Variants in RIMS2 observed in about 807,000 individuals in gnomAD.
RIMS2 encodes the protein regulating synaptic membrane exocytosis 2, also known as regulating synaptic membrane exocytosis protein 2.
RIMS2 carries 59 observed loss-of-function variants against 174.4 expected under a neutral mutation model. The ratio of observed to expected loss-of-function variants is 0.34; its 90% CI spans 0.27 to 0.42. The LOEUF (loss-of-function observed/expected upper bound fraction) is 0.42. RIMS2 is among the 10% of genes least tolerant of loss of function. The pLI, the probability that RIMS2 is intolerant of heterozygous loss-of-function variation, is 1.00. For synonymous variants in RIMS2, 606 were observed against 572.5 expected (o/e 1.06, Z -0.84); for missense variants, 1,620 against 1,666.3 (o/e 0.97, Z 0.48).
intron 19 of RIMS2, among the ~76,000 whole-genome samples, chr8:104,059,489 T>G (rs1445523769): frequency 6.6e-6 from 1 of 150,552 alleles, no homozygotes; most frequent in African/African-American, 2.4e-5. Flanking sequence ...TGGGGTTTTC[T>G]AGATATACAA....
At chr8:104,126,513 A>G (rs1387208995) in intron 19 of RIMS2, among the ~76,000 whole-genome samples, 1 of 152,194 alleles carries the variant, frequency 6.6e-6, no homozygotes, top group East Asian at 1.9e-4. Flanking sequence ...AATGGTCTCT[A>G]GAACCAGGTT....
intron 19 of RIMS2, among the ~76,000 whole-genome samples, chr8:104,084,536 A>T (rs1013586950): frequency 6.6e-6 from 1 of 151,856 alleles, no homozygotes; most frequent in South Asian, 2.1e-4. Context: ...AAGTAAATAA[A>T]CCAATCTAGC....
At chr8:104,000,707 C>T (rs2095346340) in intron 17 of RIMS2, among the ~76,000 whole-genome samples, 1 of 151,832 alleles carries the variant, frequency 6.6e-6, no homozygotes, top group Non-Finnish European at 1.5e-5. Context: ...TCTCTTCATT[C>T]TCTCCAGCAC....
chr8:103,684,123 T>C (rs1361166015), intron 1 of RIMS2, among the ~76,000 whole-genome samples: 1 of 152,178 alleles, frequency 6.6e-6, no homozygotes, highest in Admixed American at 6.5e-5. Flanking sequence ...TTTTTGTATA[T>C]AGTTGAGTGA....
At chr8:103,961,414 T>A (rs1161080213) in intron 15 of RIMS2, among the ~76,000 whole-genome samples, 1 of 152,126 alleles carries the variant, frequency 6.6e-6, no homozygotes, top group African/African-American at 2.4e-5. Flanking sequence ...TTGGAGGAGT[T>A]CTTGCATAAT....
chr8:103,566,569 T>C (rs2092368837), intron 1 of RIMS2, among the ~76,000 whole-genome samples: 1 of 152,192 alleles, frequency 6.6e-6, no homozygotes, highest in Non-Finnish European at 1.5e-5. Flanking sequence ...TCATATTTTG[T>C]AGTGAACATT....
At chr8:103,943,872 A>G (rs1334052566) in intron 14 of RIMS2, among the ~76,000 whole-genome samples, 1 of 152,168 alleles carries the variant, frequency 6.6e-6, no homozygotes, top group Non-Finnish European at 1.5e-5. Context: ...AGAAGTATAA[A>G]TTTATAAACA....
At chr8:103,947,738 T>C (rs890146466) in intron 14 of RIMS2, among the ~76,000 whole-genome samples, 4 of 152,192 alleles carry the variant, frequency 2.6e-5, no homozygotes, top group Non-Finnish European at 5.9e-5. Context: ...TACTGTATAC[T>C]ATAGTAGACT....
chr8:104,114,580 T>A (rs1332088643), intron 19 of RIMS2, among the ~76,000 whole-genome samples: 1 of 151,994 alleles, frequency 6.6e-6, no homozygotes, highest in African/African-American at 2.4e-5. Context: ...TTGTATTAAA[T>A]AACAGTAGTA....
chr8:103,959,819 A>T (rs1053858298), intron 14 of RIMS2, among the ~76,000 whole-genome samples: 6 of 152,124 alleles, frequency 3.9e-5, no homozygotes, highest in Admixed American at 3.9e-4. Context: ...TGGCTTCCTC[A>T]CTGAGGCTCA....
intron 1 of RIMS2, among the ~76,000 whole-genome samples, chr8:103,607,488 C>T (rs1251591427): frequency 2.6e-5 from 4 of 151,254 alleles, no homozygotes; most frequent in Non-Finnish European, 5.9e-5. Context: ...CTTGGAGTTG[C>T]TCTTCTTGAG....
chr8:103,722,019 A>G (rs1442701974), intron 2 of RIMS2, among the ~76,000 whole-genome samples: 3 of 152,128 alleles, frequency 2.0e-5, no homozygotes, highest in African/African-American at 4.8e-5. Context: ...TTATGAAGAT[A>G]TTGAATTTGG....
intron 19 of RIMS2, chr8:104,223,393 T>C: frequency 4.8e-6 from 6 of 1,257,826 alleles, no homozygotes; most frequent in Non-Finnish European, 6.0e-6. Flanking sequence ...CCTCGGACGT[T>C]CACTGCGAGC....
chr8:103,863,539 C>T (rs2099069366), intron 3 of RIMS2, among the ~76,000 whole-genome samples: 1 of 151,326 alleles, frequency 6.6e-6, no homozygotes, highest in South Asian at 2.1e-4. Context: ...CCTTGTATGT[C>T]TGATAGAATT....
chr8:103,744,543 A>T (rs1236766295), intron 2 of RIMS2, among the ~76,000 whole-genome samples: 1 of 152,142 alleles, frequency 6.6e-6, no homozygotes, highest in African/African-American at 2.4e-5. Flanking sequence ...GCTTAGTAGG[A>T]TTCACCTGCA....
intron 1 of RIMS2, among the ~76,000 whole-genome samples, chr8:103,512,431 A>G (rs1253009596): frequency 1.3e-5 from 2 of 152,100 alleles, no homozygotes; most frequent in Non-Finnish European, 2.9e-5. Context: ...GTTTCTCTGG[A>G]TCTCTTTGGG....
intron 19 of RIMS2, among the ~76,000 whole-genome samples, chr8:104,129,354 C>T (rs1318881925): frequency 2.0e-5 from 3 of 152,148 alleles, no homozygotes; most frequent in East Asian, 1.9e-4. Context: ...AACTACACTC[C>T]GGCCTGGGAA....
intron 1 of RIMS2, among the ~76,000 whole-genome samples, chr8:103,613,413 G>A (rs2095432897): frequency 6.6e-6 from 1 of 152,118 alleles, no homozygotes. Flanking sequence ...TAAAATTGTG[G>A]TGAATGCTTC....
At chr8:103,718,257 A>C (rs1005640432) in intron 2 of RIMS2, among the ~76,000 whole-genome samples, 2 of 152,196 alleles carry the variant, frequency 1.3e-5, no homozygotes, top group African/African-American at 4.8e-5. Context: ...GCAGCTAGAT[A>C]GGTTAACCAA....
Sources: gnomAD v4.1 joint callset for allele counts (sites outside exome capture counted in the v4.1 genomes callset) on GRCh38, gnomAD v4.1.1 for gene constraint, MANE v1.5 for transcripts, NCBI Gene and HGNC (gene_info 2026-07-23, HGNC 2026-07-21) for gene names.